RRBP1: variants seen among roughly 807,000 people sequenced by gnomAD.
RRBP1 encodes the protein ribosome binding protein 1, also known as ribosome-binding protein 1.
Under a neutral mutation model 165.2 loss-of-function variants are expected in RRBP1, and 94 were observed. The ratio of observed to expected loss-of-function variants is 0.57; its 90% CI spans 0.48 to 0.68. The LOEUF (loss-of-function observed/expected upper bound fraction) is 0.68, where lower values mean the gene tolerates loss of function less well. Ranked by LOEUF, RRBP1 falls within the 30% of genes least tolerant of loss-of-function variation. RRBP1 has a pLI of 0.00. For synonymous variants in RRBP1, 680 were observed against 714.5 expected (o/e 0.95, Z 0.77); for missense variants, 1,676 against 1,763.0 (o/e 0.95, Z 0.88).
Position 17,659,817 on chromosome 20 carries a change from T to C in RRBP1, c.691A>G (p.Lys231Glu), listed in dbSNP as rs1020456886. Residue 231 changes from lysine (K) to glutamate (E), a missense_variant, in exon 3 of 25, where the codon AAG becomes GAG. Physicochemically the swap from Lys to Glu is moderately conservative, Grantham distance 56. Transcript: ENST00000377813. ...CCTTGGTTTGGGGTTCCCTCTGTCTTTTTGCCCTGGTTTGGGGTTCCCTCT... is the reference window on the plus strand; with the variant it reads ...CCTTGGTTTGGGGTTCCCTCTGTCTCTTTGCCCTGGTTTGGGGTTCCCTCT... ...KAEGTPNQGK[K>E]TEGTPNQGKK... is the part of the protein sequence containing the mutation. 2.6e-6 allele frequency: 4 copies of C among 1,551,028 alleles called. No individual in the cohort carries two copies. In the African/African-American group the frequency reaches 5.5e-5, roughly 21 times the overall value.
chr20:17,681,602 C>G (rs1395419335), intron 1 of RRBP1, among the ~76,000 whole-genome samples: 7 of 149,298 alleles, frequency 4.7e-5, no homozygotes, highest in Non-Finnish European at 8.9e-5. Flanking sequence ...CGGCGGCTTC[C>G]CGAAACTTAA....
intron 11 of RRBP1, among the ~76,000 whole-genome samples, chr20:17,625,938 T>C (rs1161617163): frequency 1.3e-5 from 2 of 152,022 alleles, no homozygotes; most frequent in Non-Finnish European, 2.9e-5. Context: ...TTTCCCTGCA[T>C]CATGTGACAG....
intron 2 of RRBP1, among the ~76,000 whole-genome samples, chr20:17,668,173 C>T (rs1283664082): frequency 6.6e-6 from 1 of 152,154 alleles, no homozygotes; most frequent in African/African-American, 2.4e-5. Flanking sequence ...AATCCTTGGC[C>T]ACACAGTTCT....
chr20:17,662,102 A>G (rs531371672), intron 2 of RRBP1, among the ~76,000 whole-genome samples: 2 of 152,112 alleles, frequency 1.3e-5, no homozygotes, highest in Non-Finnish European at 2.9e-5. Flanking sequence ...CTCTACTAAA[A>G]ATACAAAAAA....
chr20:17,646,258 T>C (rs1020563970), intron 3 of RRBP1, among the ~76,000 whole-genome samples: 3 of 152,228 alleles, frequency 2.0e-5, no homozygotes, highest in African/African-American at 7.2e-5. Flanking sequence ...ACGAGATTTT[T>C]AAGTGCTATC....
At chr20:17,666,568 A>AT (rs549423092) in intron 2 of RRBP1, among the ~76,000 whole-genome samples, 3 of 152,056 alleles carry the variant, frequency 2.0e-5, no homozygotes, top group East Asian at 3.9e-4. Flanking sequence ...ATTCTTTCTG[A>AT]TTTTTTTTAA....
At chr20:17,618,099 A>G (rs2035836397) in intron 20 of RRBP1, among the ~76,000 whole-genome samples, 1 of 152,200 alleles carries the variant, frequency 6.6e-6, no homozygotes, top group Non-Finnish European at 1.5e-5. Flanking sequence ...CCGGGCGTGG[A>G]GCAGGTCTTC....
chr20:17,663,320 A>G (rs2036805017), intron 2 of RRBP1, among the ~76,000 whole-genome samples: 1 of 152,246 alleles, frequency 6.6e-6, no homozygotes, highest in Non-Finnish European at 1.5e-5. Context: ...AATCTTACTC[A>G]ACATAGGCAA....
At chr20:17,678,228 G>A (rs2037117825) in intron 2 of RRBP1, among the ~76,000 whole-genome samples, 1 of 152,196 alleles carries the variant, frequency 6.6e-6, no homozygotes, top group Non-Finnish European at 1.5e-5. Context: ...TGCTAAGTGA[G>A]AGTGCCTCCT....
intron 3 of RRBP1, among the ~76,000 whole-genome samples, chr20:17,648,164 T>C (rs1157307962): frequency 1.3e-5 from 2 of 152,142 alleles, no homozygotes; most frequent in African/African-American, 4.8e-5. Context: ...CACCCCGAGG[T>C]GGGACGCAAG....
chr20:17,625,020 G>A (rs2035989673), intron 12 of RRBP1, among the ~76,000 whole-genome samples: 1 of 152,200 alleles, frequency 6.6e-6, no homozygotes, highest in South Asian at 2.1e-4. Flanking sequence ...CTCTGGCAGA[G>A]CCTGGCACAG....
chr20:17,678,698 A>C (rs528779968), intron 2 of RRBP1, among the ~76,000 whole-genome samples: 1 of 152,356 alleles, frequency 6.6e-6, no homozygotes, highest in Admixed American at 6.5e-5. Flanking sequence ...ACTACTGAGC[A>C]CCTGAAATGT....
chr20:17,670,821 G>A (rs1427650605), intron 2 of RRBP1, among the ~76,000 whole-genome samples: 1 of 152,132 alleles, frequency 6.6e-6, no homozygotes, highest in Non-Finnish European at 1.5e-5. Context: ...ATGTCTATAT[G>A]TGGATTTATT....
intron 3 of RRBP1, among the ~76,000 whole-genome samples, chr20:17,658,107 G>A (rs1002613143): frequency 2.0e-5 from 3 of 152,048 alleles, no homozygotes; most frequent in African/African-American, 7.2e-5. Flanking sequence ...GCCAAGACAC[G>A]GACCTGTTGC....
chr20:17,623,778 A>G (rs912839116), intron 13 of RRBP1, among the ~76,000 whole-genome samples: 4 of 152,090 alleles, frequency 2.6e-5, no homozygotes, highest in Non-Finnish European at 5.9e-5. Flanking sequence ...CAAAACATGC[A>G]AAACTTAGCC....
chr20:17,627,452 C>T, intron 10 of RRBP1, 52 bp downstream of exon 10: 12 of 1,608,818 alleles, frequency 7.5e-6, no homozygotes, highest in Non-Finnish European at 1.0e-5. Context: ...AGTCCACCCA[C>T]CTGCTAGATG....
At chr20:17,676,790 G>A (rs966707510) in intron 2 of RRBP1, among the ~76,000 whole-genome samples, 4 of 151,966 alleles carry the variant, frequency 2.6e-5, no homozygotes, top group Non-Finnish European at 5.9e-5. Flanking sequence ...TCACTCTGTC[G>A]CCTAGGCTGG....
At chr20:17,615,689 T>G (rs2122234569) in intron 22 of RRBP1, among the ~76,000 whole-genome samples, 160 bp from the exon 23 acceptor site, 1 of 152,234 alleles carries the variant, frequency 6.6e-6, no homozygotes, top group South Asian at 2.1e-4. Context: ...CCACAAGTTC[T>G]GACCCAGCCC....
At chr20:17,619,782 G>T in intron 18 of RRBP1, 54 bp from the exon 19 acceptor site, 1 of 1,350,394 alleles carries the variant, frequency 7.4e-7, no homozygotes, top group Non-Finnish European at 1.0e-6. Context: ...CTGCTCAAAG[G>T]GCACTCACCT....
Sources: allele counts gnomAD v4.1 joint callset (sites outside exome capture counted in the v4.1 genomes callset), GRCh38; gene constraint gnomAD v4.1.1; transcripts MANE v1.5; gene names NCBI Gene and HGNC (gene_info 2026-07-23, HGNC 2026-07-21).